Variants in PTPN9 observed in about 807,000 individuals in gnomAD.
PTPN9 encodes tyrosine-protein phosphatase non-receptor type 9.
A neutral mutation model predicts 69.8 loss-of-function variants in PTPN9; 26 were observed. That is an observed-to-expected ratio of 0.37 (90% confidence interval 0.27 to 0.52). PTPN9 has a LOEUF of 0.52. Among genes scored for constraint, PTPN9 ranks in the 20% least tolerant of loss-of-function variants. The pLI is 0.91. For missense variants in PTPN9, 549 were observed against 740.3 expected, an observed-to-expected ratio of 0.74 and a Z score of 3.00; for synonymous variants, 274 against 272.5, an observed-to-expected ratio of 1.01 and a Z score of -0.05.
At chr15:75,578,439 C>T (rs781104984) in intron 1 of PTPN9, among the ~76,000 whole-genome samples, 168 of 152,294 alleles carry the variant, frequency 1.1e-3, no homozygotes, top group Non-Finnish European at 1.5e-3. Context: ...AGGAACTTTG[C>T]CCCTGGAATA....
chr15:75,551,114 T>C (rs929104041), intron 1 of PTPN9, among the ~76,000 whole-genome samples: 3 of 152,184 alleles, frequency 2.0e-5, no homozygotes, highest in South Asian at 2.1e-4. Context: ...TAAAAAAATT[T>C]TTTTCAGACA....
chr15:75,553,878 T>C (rs2075065702), intron 1 of PTPN9, among the ~76,000 whole-genome samples: 2 of 152,154 alleles, frequency 1.3e-5, no homozygotes, highest in Admixed American at 1.3e-4. Context: ...AGTAGGACTC[T>C]TCCTGAATGT....
rs530841468 is a variant in PTPN9 at position 75,479,096 on chromosome 15, C to A, written c.1129+752G>T. Among the ~76,000 whole-genome samples, 3 of 152,316 alleles carry A rather than the reference C, an allele frequency of 2.0e-5. No homozygotes were observed. In the East Asian group the frequency reaches 5.8e-4, roughly 29 times the overall value. Reference sequence around the variant, plus strand: ...GGCCGAAGCGGGCAGATCACGAGGTCAGGAGTTCGAGACCAGCCTGTCCAA... The same window carrying A: ...GGCCGAAGCGGGCAGATCACGAGGTAAGGAGTTCGAGACCAGCCTGTCCAA... On this transcript the variant is annotated intron_variant, in intron 9 of 12. Transcript: ENST00000618819.
chr15:75,504,403 G>A (rs1415662102), intron 7 of PTPN9, among the ~76,000 whole-genome samples: 3 of 129,062 alleles, frequency 2.3e-5, no homozygotes, highest in South Asian at 2.6e-4. Context: ...CCCCCCGCCC[G>A]GCCAGCCGAC....
chr15:75,533,408 C>T lies in PTPN9; in HGVS notation c.64-6147G>A, dbSNP rs140108841. Among the ~76,000 whole-genome samples, 22 of 152,134 alleles carry T rather than the reference C, an allele frequency of 1.4e-4. No homozygotes were observed. The South Asian group carries it at 1.7e-3, about 11-fold the overall frequency. ...CCAAGTGGCTGAGACTACATGCACA[C>T]GTCACCATGCCTGGCTAATTTTTGC... On this transcript the variant is annotated intron_variant, in intron 1 of 12. Coordinates refer to ENST00000618819, the MANE Select transcript of PTPN9 (RefSeq NM_002833.4).
intron 1 of PTPN9, among the ~76,000 whole-genome samples, chr15:75,545,487 C>T (rs1028225869): frequency 2.6e-5 from 4 of 151,874 alleles, no homozygotes; most frequent in Non-Finnish European, 4.4e-5. Flanking sequence ...CTAAATAAAA[C>T]TGGGAAAGAA....
intron 1 of PTPN9, among the ~76,000 whole-genome samples, chr15:75,563,206 T>C (rs2075112351): frequency 6.6e-6 from 1 of 152,172 alleles, no homozygotes; most frequent in Non-Finnish European, 1.5e-5. Flanking sequence ...CTTTTCTTTT[T>C]GAGATGGAGT....
At chr15:75,509,346 A>T (rs2074835056) in intron 5 of PTPN9, among the ~76,000 whole-genome samples, 1 of 152,222 alleles carries the variant, frequency 6.6e-6, no homozygotes, top group Non-Finnish European at 1.5e-5. Context: ...TAAAAAAGTT[A>T]TGTTATTAAA....
At chr15:75,554,826 C>T (rs2075070386) in intron 1 of PTPN9, among the ~76,000 whole-genome samples, 1 of 152,180 alleles carries the variant, frequency 6.6e-6, no homozygotes, top group African/African-American at 2.4e-5. Context: ...CAGCAGAACC[C>T]AGACAGTAAA....
In PTPN9 at chr15:75,481,844, C is replaced by T. The variant is rs1213602321; in HGVS notation, c.1063-1930G>A. On this transcript the variant is annotated intron_variant, in intron 8 of 12. Coordinates refer to ENST00000618819, the MANE Select transcript of PTPN9 (RefSeq NM_002833.4). ...CGGGAGGGAGGTGGGGGGGGGTCAG[C>T]GCCCCTGCCTGGCCAGCCGCCCCTC... 5.8e-5 allele frequency among the ~76,000 whole-genome samples: 8 copies of T among 138,040 alleles called. 1 individual carries two copies. In the South Asian group the frequency reaches 1.0e-3, roughly 18 times the overall value. 90.6% of individuals were successfully genotyped at this position (138,040 alleles called of 152,430 possible). A position where few individuals can be genotyped will look rare whatever the true frequency, so the allele number is the denominator to read the frequency against.
intron 1 of PTPN9, among the ~76,000 whole-genome samples, chr15:75,564,589 C>T (rs1172538327): frequency 2.1e-5 from 3 of 139,942 alleles, no homozygotes; most frequent in Non-Finnish European, 4.7e-5. Context: ...AGTGAGACTA[C>T]GTCTCAAAAA....
At chr15:75,531,568 T>A (rs892692105) in intron 1 of PTPN9, among the ~76,000 whole-genome samples, 1 of 149,670 alleles carries the variant, frequency 6.7e-6, no homozygotes, top group Admixed American at 6.6e-5. Context: ...CCTGTTTTTG[T>A]TTTTTGTTTT....
intron 1 of PTPN9, among the ~76,000 whole-genome samples, chr15:75,564,869 T>G (rs1388166961): frequency 6.6e-6 from 1 of 151,742 alleles, no homozygotes; most frequent in African/African-American, 2.4e-5. Flanking sequence ...TTTGGGAGCC[T>G]GAGGCGGGCA....
chr15:75,480,434 C>G (rs1000198769), intron 8 of PTPN9, among the ~76,000 whole-genome samples: 2 of 151,888 alleles, frequency 1.3e-5, no homozygotes, highest in Admixed American at 1.3e-4. Flanking sequence ...GAAACCCTGT[C>G]TCTACTAAAA....
At chr15:75,537,753 C>CAAAAAAAAAAAAAAAAA (rs1164644727) in intron 1 of PTPN9, among the ~76,000 whole-genome samples, 12 of 11,388 alleles carry the variant, frequency 1.1e-3, no homozygotes, top group African/African-American at 5.5e-3. Flanking sequence ...GACTCCATCT[C>CAAAAAAAAAAAAAAAAA]AAAAAAAAAA....
At chr15:75,541,889 T>G (rs2141330812) in intron 1 of PTPN9, among the ~76,000 whole-genome samples, 1 of 151,534 alleles carries the variant, frequency 6.6e-6, no homozygotes. Context: ...AATACAAAAA[T>G]TAGCTGGGAG....
intron 9 of PTPN9, among the ~76,000 whole-genome samples, chr15:75,478,324 C>T (rs955964534): frequency 6.7e-6 from 1 of 150,146 alleles, no homozygotes; most frequent in Non-Finnish European, 1.5e-5. Context: ...AGGCTGGTCT[C>T]GAACTTCCAA....
intron 2 of PTPN9, among the ~76,000 whole-genome samples, chr15:75,526,533 TACTA>T (rs2074928473): frequency 6.6e-6 from 1 of 152,034 alleles, no homozygotes; most frequent in South Asian, 2.1e-4. Context: ...TCAAAGACAC[TACTA>T]ACTGAGAAAG....
intron 7 of PTPN9, 53 bp downstream of exon 7, chr15:75,505,622 C>A: frequency 2.1e-6 from 3 of 1,416,114 alleles, no homozygotes; most frequent in Non-Finnish European, 2.9e-6. Context: ...GTTGCCAGAG[C>A]CTACCAGAAG....
Sources: allele counts gnomAD v4.1 joint callset (sites outside exome capture counted in the v4.1 genomes callset), GRCh38; gene constraint gnomAD v4.1.1; transcripts MANE v1.5; gene names NCBI Gene and HGNC (gene_info 2026-07-23, HGNC 2026-07-21).